The following QKI variants were observed in gnomAD, a reference collection of about 807,000 sequenced individuals.
QKI encodes the protein QKI, KH domain containing RNA binding, also known as KH domain-containing RNA-binding protein QKI.
A neutral mutation model predicts 39.0 loss-of-function variants in QKI; 10 were observed. The observed-to-expected ratio is 0.26, with a 90% CI of 0.16 to 0.43. The LOEUF is 0.43. Ranked by LOEUF, QKI falls within the 20% of genes least tolerant of loss-of-function variation. QKI has a pLI of 1.00. For missense variants in QKI, 218 were observed against 428.0 expected, an observed-to-expected ratio of 0.51 and a Z score of 4.33; for synonymous variants, 204 against 155.4, an observed-to-expected ratio of 1.31 and a Z score of -2.33.
chr6:163,515,109 C>G (rs1017965240), intron 3 of QKI, among the ~76,000 whole-genome samples: 1 of 151,938 alleles, frequency 6.6e-6, no homozygotes, highest in Non-Finnish European at 1.5e-5. Flanking sequence ...GGGCAGAAAA[C>G]CTGAATTAAA....
rs1783691978 is a variant in QKI at position 163,571,425 on chromosome 6, A to G, written c.*715A>G. Reference sequence around the variant, plus strand: ...TAAATATCTGAGTTAAAATTACTGAATCTTTATTTTACACCTAAAAAAATA... The same window carrying G: ...TAAATATCTGAGTTAAAATTACTGAGTCTTTATTTTACACCTAAAAAAATA... On this transcript the variant is annotated 3_prime_UTR_variant, in exon 8 of 8. Coordinates refer to ENST00000361752, the MANE Select transcript of QKI (RefSeq NM_006775.3). The G allele has an allele frequency of 6.6e-6, 1 of 152,206 alleles. No homozygotes were observed. The highest frequency in any genetic ancestry group is 1.5e-5 in the Non-Finnish European group (1 of 68,038). The allele number at this position is 152,206 out of a possible 1,614,324, so 9.4% of individuals were successfully genotyped here. A position where few individuals can be genotyped will look rare whatever the true frequency, so the allele number is the denominator to read the frequency against.
At chr6:163,517,166 ACTAGT>A (rs1433686536) in intron 3 of QKI, among the ~76,000 whole-genome samples, 41 of 151,450 alleles carry the variant, frequency 2.7e-4, no homozygotes, top group African/African-American at 9.5e-4. Context: ...GTTCATGCTG[ACTAGT>A]CTAGAGTCCA....
At chr6:163,521,916 T>C (rs968296454) in intron 3 of QKI, among the ~76,000 whole-genome samples, 3 of 152,176 alleles carry the variant, frequency 2.0e-5, no homozygotes. Flanking sequence ...AAGCGGGATG[T>C]GCTTATGCTT....
intron 4 of QKI, among the ~76,000 whole-genome samples, chr6:163,543,578 T>A (rs1781678359): frequency 6.6e-6 from 1 of 152,100 alleles, no homozygotes. Flanking sequence ...ATGGGAATTT[T>A]CAAATGTGAG....
chr6:163,494,488 C>T (rs982903977), intron 3 of QKI, among the ~76,000 whole-genome samples: 2 of 152,188 alleles, frequency 1.3e-5, no homozygotes, highest in African/African-American at 2.4e-5. Context: ...GACACTTTCA[C>T]GGTCATTCAG....
chr6:163,567,057 A>T (rs939063327), intron 7 of QKI: 9 of 1,092,588 alleles, frequency 8.2e-6, no homozygotes, highest in Non-Finnish European at 1.0e-5. Flanking sequence ...AAATTAGTCA[A>T]TTTGGGGAGC....
rs1477404071 is a variant in QKI at position 163,535,075 on chromosome 6, A to G, written c.496A>G (p.Ile166Val). Reference protein sequence around the residue: ...TVEDAQNRAEIKLKRAVEEVK... With the variant: ...TVEDAQNRAEVKLKRAVEEVK... ...GGAAGATGCTCAGAACAGAGCAGAA[A>G]TCAAATTGAAGAGAGCAGTTGAAGA... Residue 166 changes from isoleucine to valine, a missense_variant, in exon 4 of 8, where the codon ATC (isoleucine) becomes GTC (valine). Physicochemically the swap from Ile to Val is conservative, Grantham distance 29. Transcript: ENST00000361752. 25 of 1,610,864 alleles carry G rather than the reference A, an allele frequency of 1.6e-5. No homozygotes were observed. The highest frequency in any genetic ancestry group is 3.3e-4 in the Middle Eastern group (2 of 6,064).
chr6:163,570,872 A>C lies in QKI; in HGVS notation c.*162A>C. The C allele has an allele frequency of 9.9e-7, 1 of 1,006,512 alleles. No homozygotes were observed. The allele number at this position is 1,006,512 out of a possible 1,614,324, so 62.3% of individuals were successfully genotyped here. On this transcript the variant is annotated 3_prime_UTR_variant, in exon 8 of 8. Transcript: ENST00000361752. ...CCATCTAACCAAACAAAAGACAAAGAAATTGTTGTCCTCCAACTCAGCTTT... is the reference window on the plus strand; with the variant it reads ...CCATCTAACCAAACAAAAGACAAAGCAATTGTTGTCCTCCAACTCAGCTTT...
chr6:163,525,814 C>G (rs763484740), intron 3 of QKI, among the ~76,000 whole-genome samples: 2 of 152,174 alleles, frequency 1.3e-5, no homozygotes, highest in Non-Finnish European at 2.9e-5. Context: ...TAACTGAGTA[C>G]ATTGAGTCAG....
At chr6:163,472,234 A>G (rs1482121813) in intron 2 of QKI, among the ~76,000 whole-genome samples, 2 of 152,216 alleles carry the variant, frequency 1.3e-5, no homozygotes, top group African/African-American at 4.8e-5. Flanking sequence ...CATTGAGAAG[A>G]AAATGTTTTA....
chr6:163,502,742 T>C (rs985357861), intron 3 of QKI, among the ~76,000 whole-genome samples: 1 of 152,212 alleles, frequency 6.6e-6, no homozygotes, highest in Admixed American at 6.5e-5. Context: ...ATTTTCTTCA[T>C]CCACTTTACT....
chr6:163,420,646 T>C (rs923101415), intron 1 of QKI, among the ~76,000 whole-genome samples: 1 of 152,200 alleles, frequency 6.6e-6, no homozygotes, highest in African/African-American at 2.4e-5. Flanking sequence ...ATGTGAATTT[T>C]AAGTGCAATA....
intron 1 of QKI, among the ~76,000 whole-genome samples, chr6:163,452,621 A>C (rs1227934620): frequency 6.6e-6 from 1 of 152,206 alleles, no homozygotes; most frequent in Admixed American, 6.5e-5. Flanking sequence ...GTTATTAATC[A>C]AGGAATCACA....
At chr6:163,561,955 T>G (rs1311636994) in intron 4 of QKI, 27 bp from the exon 5 acceptor site, 1 of 1,583,064 alleles carries the variant, frequency 6.3e-7, no homozygotes, top group South Asian at 1.1e-5. Context: ...CTCAAATGCT[T>G]TCATCTCATG....
chr6:163,429,217 A>C (rs1055878292), intron 1 of QKI, among the ~76,000 whole-genome samples: 11 of 152,158 alleles, frequency 7.2e-5, no homozygotes. Flanking sequence ...AGTAATCCTA[A>C]AGAACTGTTA....
At chr6:163,543,614 G>T (rs951116476) in intron 4 of QKI, among the ~76,000 whole-genome samples, 1 of 152,002 alleles carries the variant, frequency 6.6e-6, no homozygotes, top group African/African-American at 2.4e-5. Flanking sequence ...GCTTTTTGGC[G>T]GGTTTGAATA....
intron 3 of QKI, among the ~76,000 whole-genome samples, chr6:163,515,653 T>C (rs1039353955): frequency 4.6e-5 from 7 of 152,276 alleles, no homozygotes; most frequent in Non-Finnish European, 7.4e-5. Context: ...GTGATAAAAA[T>C]ATATTGGTGT....
chr6:163,497,589 A>G (rs543398749), intron 3 of QKI, among the ~76,000 whole-genome samples: 12 of 151,948 alleles, frequency 7.9e-5, no homozygotes, highest in South Asian at 4.1e-4. Context: ...TAGATGTGCT[A>G]TATTTATTAC....
chr6:163,450,004 A>G (rs1790426915), intron 1 of QKI, among the ~76,000 whole-genome samples: 1 of 151,598 alleles, frequency 6.6e-6, no homozygotes, highest in African/African-American at 2.4e-5. Context: ...TGTGTATAAC[A>G]TATATGTATA....
Sources: gnomAD v4.1 joint callset for allele counts (sites outside exome capture counted in the v4.1 genomes callset) on GRCh38, gnomAD v4.1.1 for gene constraint, MANE v1.5 for transcripts, NCBI Gene and HGNC (gene_info 2026-07-23, HGNC 2026-07-21) for gene names.